Variants in TRAF3IP1 observed in about 807,000 individuals in gnomAD.
TRAF3IP1 encodes intraflagellar transport 54.
A neutral mutation model predicts 89.9 loss-of-function variants in TRAF3IP1; 53 were observed. The ratio of observed to expected loss-of-function variants is 0.59; its 90% CI spans 0.47 to 0.74. The LOEUF (loss-of-function observed/expected upper bound fraction) is 0.74. TRAF3IP1 is among the 30% of genes least tolerant of loss of function. The probability of loss-of-function intolerance (pLI) is 0.00; values close to 1 mark genes in which losing one functional copy is unlikely to be tolerated. For missense variants in TRAF3IP1, 806 were observed against 866.1 expected (o/e 0.93, Z 0.87); for synonymous variants, 311 against 322.1 (o/e 0.97, Z 0.37).
intron 7 of TRAF3IP1, among the ~76,000 whole-genome samples, chr2:238,334,254 G>C (rs1210085857): frequency 6.6e-6 from 1 of 152,176 alleles, no homozygotes; most frequent in African/African-American, 2.4e-5. Context: ...GGGCAGAGTA[G>C]CCCCTCTTTG....
intron 8 of TRAF3IP1, among the ~76,000 whole-genome samples, chr2:238,340,600 T>A (rs1698595808): frequency 6.6e-6 from 1 of 152,216 alleles, no homozygotes; most frequent in African/African-American, 2.4e-5. Flanking sequence ...TTGTTCGCTT[T>A]ACAATTGTGT....
At chr2:238,344,819 G>GT (rs1698819347) in intron 9 of TRAF3IP1, 3 of 650,650 alleles carry the variant, frequency 4.6e-6, no homozygotes, top group Non-Finnish European at 8.5e-6. Context: ...CCCGTGCTCT[G>GT]TAAGTGAGAG....
chr2:238,377,230 C>A, intron 15 of TRAF3IP1, among the ~76,000 whole-genome samples: 1 of 86,708 alleles, frequency 1.2e-5, no homozygotes, highest in Non-Finnish European at 2.0e-5. Flanking sequence ...TCCTGATTTT[C>A]TTTTTTTTTT....
intron 7 of TRAF3IP1, 153 bp downstream of exon 7, chr2:238,334,188 T>C (rs182877701): frequency 4.6e-6 from 3 of 658,784 alleles, no homozygotes; most frequent in African/African-American, 3.7e-5. Context: ...TAATGAAGAT[T>C]TGTGGCTGTT....
Position 238,330,146 on chromosome 2 carries a change from C to T in TRAF3IP1, c.915+804C>T, listed in dbSNP as rs966387716. Among the ~76,000 whole-genome samples the T allele has an allele frequency of 3.3e-5, 5 of 152,126 alleles. 1 individual carries two copies. The highest frequency in any genetic ancestry group is 7.2e-5 in the African/African-American group (3 of 41,392). On this transcript the variant is annotated intron_variant, in intron 5 of 16. Coordinates refer to ENST00000373327, the MANE Select transcript of TRAF3IP1 (RefSeq NM_015650.4). ...CTTAGCATTGCAAGCGGTGTTTATG[C>T]GCAGTCTGAGTTGTGCATGTGGTGT...
intron 9 of TRAF3IP1, among the ~76,000 whole-genome samples, chr2:238,344,916 A>C (rs1698823790): frequency 1.3e-5 from 2 of 152,294 alleles, no homozygotes; most frequent in Non-Finnish European, 1.5e-5. Context: ...CCACCAGTCA[A>C]GAGGTGTACC....
At position 238,348,797 on chromosome 2, in the gene TRAF3IP1, C is replaced by CT; in HGVS notation, c.1317dup (p.Glu440Ter). On this transcript the variant is annotated frameshift_variant, in exon 11 of 17. Coordinates refer to ENST00000373327, the MANE Select transcript of TRAF3IP1 (RefSeq NM_015650.4). LOFTEE classifies it high-confidence loss of function. ...GCTGGACCTGCTGGCCAAGATAAGT[C>CT]TGAGGTGCCAGAGACTCCAGAAATT... is the stretch of plus-strand genomic sequence containing the variant. The CT allele has an allele frequency of 6.2e-7, 1 of 1,614,136 alleles. No homozygotes were observed. Among genetic ancestry groups the CT allele is most frequent in the Non-Finnish European group, 8.5e-7 (1 of 1,180,016 alleles).
At chr2:238,378,968 G>A (rs552902485) in intron 15 of TRAF3IP1, among the ~76,000 whole-genome samples, 2 of 152,300 alleles carry the variant, frequency 1.3e-5, no homozygotes, top group African/African-American at 4.8e-5. Flanking sequence ...CCCAGAGGGA[G>A]GGTCCAGTCC....
chr2:238,392,787 G>T (rs762490830), intron 15 of TRAF3IP1, among the ~76,000 whole-genome samples: 1 of 152,138 alleles, frequency 6.6e-6, no homozygotes, highest in Non-Finnish European at 1.5e-5. Context: ...TGTTGGTCAG[G>T]CTGGTCTCGA....
In TRAF3IP1 at chr2:238,400,548, G is replaced by T. The variant is rs927612207; in HGVS notation, c.*1629G>T. ...TAAGATCTGCCATTCTGAAACGCTG[G>T]TCTTTTTCTCCTTCCTATAGTGCAC... is the stretch of plus-strand genomic sequence containing the variant. On this transcript the variant is annotated 3_prime_UTR_variant, in exon 17 of 17. Transcript: ENST00000373327. 6.6e-6 allele frequency: 1 copy of T among 152,222 alleles called. No homozygotes were observed. Among genetic ancestry groups the T allele is most frequent in the Non-Finnish European group, 1.5e-5 (1 of 68,050 alleles). 9.4% of individuals were successfully genotyped at this position (152,222 alleles called of 1,614,324 possible).
chr2:238,388,659 G>A (rs1178228212), intron 15 of TRAF3IP1, among the ~76,000 whole-genome samples: 7 of 144,080 alleles, frequency 4.9e-5, no homozygotes, highest in East Asian at 2.1e-4. Context: ...GTGCAATGGC[G>A]TGATCTCAGC....
At chr2:238,355,410 C>G (rs567338254) in intron 14 of TRAF3IP1, among the ~76,000 whole-genome samples, 13 of 152,368 alleles carry the variant, frequency 8.5e-5, no homozygotes, top group Admixed American at 5.9e-4. Flanking sequence ...CCATCTTGCT[C>G]TTTTTAATTT....
chr2:238,392,346 A>G (rs1701028640), intron 15 of TRAF3IP1, among the ~76,000 whole-genome samples: 1 of 152,064 alleles, frequency 6.6e-6, no homozygotes, highest in Admixed American at 6.5e-5. Flanking sequence ...CATTTGTATC[A>G]CCTCAAAGAT....
chr2:238,348,451 C>T (rs1367827166), intron 10 of TRAF3IP1, among the ~76,000 whole-genome samples: 3 of 152,140 alleles, frequency 2.0e-5, no homozygotes, highest in Non-Finnish European at 2.9e-5. Context: ...TCCATTTCTC[C>T]TCTTGGGTTG....
chr2:238,367,163 C>CAAAAAAAA lies in TRAF3IP1; in HGVS notation c.1689+11102_1689+11109dup, dbSNP rs33964253. Reference sequence around the variant, plus strand: ...TGGGTGACAAAGCAAGACTCTGTCTCAAAAAAAAAAAAAAAAAAAAAAAAA... The same window carrying CAAAAAAAA: ...TGGGTGACAAAGCAAGACTCTGTCTCAAAAAAAAAAAAAAAAAAAAAAAAAAAAAAAAA... On this transcript the variant is annotated intron_variant, in intron 15 of 16. Transcript: ENST00000373327. 4.2e-3 allele frequency among the ~76,000 whole-genome samples: 152 copies of CAAAAAAAA among 36,136 alleles called. 15 individuals are homozygous for CAAAAAAAA. Among genetic ancestry groups the CAAAAAAAA allele is most frequent in the East Asian group, 0.012 (8 of 664 alleles). The allele number at this position is 36,136 out of a possible 152,430, so 23.7% of individuals were successfully genotyped here. A position where few individuals can be genotyped will look rare whatever the true frequency, so the allele number is the denominator to read the frequency against.
At chr2:238,343,833 T>A (rs892593245) in intron 8 of TRAF3IP1, among the ~76,000 whole-genome samples, 3 of 151,974 alleles carry the variant, frequency 2.0e-5, no homozygotes, top group Admixed American at 6.6e-5. Context: ...TTAAATTTTA[T>A]ATTTTTTTGT....
intron 7 of TRAF3IP1, among the ~76,000 whole-genome samples, chr2:238,334,427 T>C (rs1698287464): frequency 2.0e-5 from 3 of 152,250 alleles, no homozygotes; most frequent in African/African-American, 7.2e-5. Context: ...AATGTTTATG[T>C]GTTTAAAAAC....
intron 1 of TRAF3IP1, among the ~76,000 whole-genome samples, chr2:238,321,868 A>G (rs1036260985): frequency 6.6e-6 from 1 of 152,112 alleles, no homozygotes; most frequent in African/African-American, 2.4e-5. Context: ...CACTCTTTTC[A>G]ACAGGTTGGG....
chr2:238,343,646 C>CTTTT (rs34626636), intron 8 of TRAF3IP1, among the ~76,000 whole-genome samples: 1 of 113,464 alleles, frequency 8.8e-6, no homozygotes, highest in Non-Finnish European at 1.8e-5. Flanking sequence ...TGTGCTTGGC[C>CTTTT]TTTTTTTTTT....
Sources: gnomAD v4.1 joint callset for allele counts (sites outside exome capture counted in the v4.1 genomes callset) on GRCh38, gnomAD v4.1.1 for gene constraint, MANE v1.5 for transcripts, NCBI Gene and HGNC (gene_info 2026-07-23, HGNC 2026-07-21) for gene names.